LPA: variants seen among roughly 807,000 people sequenced by gnomAD.
The protein encoded by LPA is lipoprotein(a).
LPA carries 199 observed loss-of-function variants against 197.9 expected under a neutral mutation model. The observed-to-expected ratio is 1.01, with a 90% CI of 0.90 to 1.13. The LOEUF (loss-of-function observed/expected upper bound fraction) is 1.13, where lower values mean the gene tolerates loss of function less well. Among genes scored for constraint, LPA ranks in the 50% most tolerant of loss-of-function variants. The pLI is 0.00. For synonymous variants in LPA, 715 were observed against 639.5 expected (o/e 1.12, Z -1.78); for missense variants, 1,853 against 1,785.8 (o/e 1.04, Z -0.68).
rs1562355008 is a variant in LPA, at chr6:160,654,062, ATATTATATAT to A, written c.50-3575_50-3566del. Among the ~76,000 whole-genome samples, 135 of 43,266 alleles carry A rather than the reference ATATTATATAT, an allele frequency of 3.1e-3. 41 individuals carry two copies. The highest frequency in any genetic ancestry group is 0.013 in the African/African-American group (125 of 9,468). 28.4% of individuals were successfully genotyped at this position (43,266 alleles called of 152,430 possible). On this transcript the variant is annotated intron_variant, in intron 1 of 38. Transcript: ENST00000316300. ...ATATATAATATATAATATATTATATATATTATATATAATATATATTATATATATTATATAT... is the reference window on the plus strand; with the variant it reads ...ATATATAATATATAATATATTATATAAATATATATTATATATATTATATAT...
At chr6:160,576,686 GTGTGTATATATA>G (rs1562328203) in intron 28 of LPA, among the ~76,000 whole-genome samples, 1 of 122,276 alleles carries the variant, frequency 8.2e-6, no homozygotes, top group African/African-American at 3.3e-5. Flanking sequence ...GTGTGTGTGT[GTGTGTATATATA>G]TATATATATA....
intron 24 of LPA, 41 bp downstream of exon 24, chr6:160,589,512 G>A (rs774850991): frequency 6.2e-7 from 1 of 1,609,064 alleles, no homozygotes; most frequent in African/African-American, 1.3e-5. Flanking sequence ...AGAAATTTAA[G>A]TGGGTGGCTG....
At chr6:160,552,548 T>C (rs1402184199) in intron 30 of LPA, among the ~76,000 whole-genome samples, 1 of 152,234 alleles carries the variant, frequency 6.6e-6, no homozygotes. Flanking sequence ...TCATAGCATG[T>C]ATACAGAAAA....
intron 28 of LPA, 141 bp downstream of exon 28, chr6:160,576,994 CA>C: frequency 1.0e-6 from 1 of 961,396 alleles, no homozygotes; most frequent in African/African-American, 1.6e-5. Context: ...ACTCTTTGCT[CA>C]AAAGCAAAGG....
intron 28 of LPA, 116 bp downstream of exon 28, chr6:160,577,020 G>T: frequency 1.6e-6 from 2 of 1,278,598 alleles, no homozygotes; most frequent in South Asian, 1.2e-5. Context: ...GAGACATTTT[G>T]CCAAAATGTG....
intron 28 of LPA, among the ~76,000 whole-genome samples, chr6:160,561,308 A>G (rs1775330700): frequency 6.6e-6 from 1 of 152,218 alleles, no homozygotes. Context: ...TCCCAACACC[A>G]TTTATTAAAT....
intron 30 of LPA, among the ~76,000 whole-genome samples, chr6:160,555,593 G>A (rs1778249528): frequency 6.6e-6 from 1 of 150,488 alleles, no homozygotes. Context: ...AAACACACCT[G>A]GTTATATATA....
chr6:160,593,492 T>C (rs1165851504), intron 22 of LPA, among the ~76,000 whole-genome samples: 1 of 152,184 alleles, frequency 6.6e-6, no homozygotes, highest in Admixed American at 6.6e-5. Flanking sequence ...TACCTTGTTC[T>C]CAGAACCCAG....
chr6:160,580,343 G>A (rs1224310033), intron 26 of LPA, among the ~76,000 whole-genome samples: 4 of 152,010 alleles, frequency 2.6e-5, no homozygotes, highest in African/African-American at 4.8e-5. Flanking sequence ...TTTATTTTGA[G>A]TTTATAAAAC....
chr6:160,541,927 C>T (rs1043736941), intron 34 of LPA, among the ~76,000 whole-genome samples: 5 of 152,246 alleles, frequency 3.3e-5, no homozygotes, highest in South Asian at 2.1e-4. Flanking sequence ...AAATGCGATG[C>T]GATCAGGTTT....
chr6:160,563,662 G>T (rs947668469), intron 28 of LPA, among the ~76,000 whole-genome samples: 3 of 152,232 alleles, frequency 2.0e-5, no homozygotes, highest in Non-Finnish European at 1.5e-5. Context: ...TGGCTGTGGG[G>T]TGTTAAAGTC....
intron 22 of LPA, among the ~76,000 whole-genome samples, chr6:160,592,115 A>G (rs973659500): frequency 2.6e-5 from 4 of 152,248 alleles, no homozygotes; most frequent in African/African-American, 7.2e-5. Context: ...CTTCTGTCAC[A>G]TTATCTTTTT....
At position 160,570,240 on chromosome 6, in the gene LPA, G is replaced by A. The variant is rs562231305; in HGVS notation, c.4631+6896C>T. Among the ~76,000 whole-genome samples, 46 of 152,276 alleles carry A rather than the reference G, an allele frequency of 3.0e-4. No individual in the cohort carries two copies. The South Asian group carries it at 5.6e-3, about 19-fold the overall frequency. On this transcript the variant is annotated intron_variant, in intron 28 of 38. Coordinates refer to ENST00000316300, the MANE Select transcript of LPA (RefSeq NM_005577.4). ...GCAAAGACTTGGAACCAACACAAAC[G>A]TCCATCAATGGTAGACTGGATTAAG...
At chr6:160,590,888 C>A (rs1779014466) in intron 23 of LPA, 56 bp downstream of exon 23, 2 of 1,610,090 alleles carry the variant, frequency 1.2e-6, no homozygotes, top group Admixed American at 1.7e-5. Context: ...TAAGATTTTG[C>A]AACTCTTTTT....
At position 160,576,573 on chromosome 6, in the gene LPA, GA is replaced by G. The variant is rs763498498; in HGVS notation, c.4631+562del. Among the ~76,000 whole-genome samples the G allele has an allele frequency of 4.9e-5, 7 of 143,626 alleles. No individual in the cohort carries two copies. In the South Asian group the frequency reaches 1.1e-3, roughly 22 times the overall value. The allele number at this position is 143,626 out of a possible 152,430, so 94.2% of individuals were successfully genotyped here. A position where few individuals can be genotyped will look rare whatever the true frequency, so the allele number is the denominator to read the frequency against. On this transcript the variant is annotated intron_variant, in intron 28 of 38. Transcript: ENST00000316300. ...ATAGTGAAACAATATAATTTTTAAT[GA>G]AATATTAAAAATATATAAATTTATG...
rs1297885553 is a variant in LPA at position 160,613,318 on chromosome 6, A to AT, written c.2262-206dup. Among the ~76,000 whole-genome samples, 39 of 97,222 alleles carry AT rather than the reference A, an allele frequency of 4.0e-4. 10 individuals carry two copies. The highest frequency in any genetic ancestry group is 9.5e-4 in the Admixed American group (10 of 10,522). The allele number at this position is 97,222 out of a possible 152,430, so 63.8% of individuals were successfully genotyped here. A position where few individuals can be genotyped will look rare whatever the true frequency, so the allele number is the denominator to read the frequency against. On this transcript the variant is annotated intron_variant, in intron 14 of 38. Transcript: ENST00000316300. Reference sequence around the variant, plus strand: ...CTCTCATACTTAATAGATTATTACTATTTTTTTTAAATAAAAAATCTAAAG... The same window carrying AT: ...CTCTCATACTTAATAGATTATTACTATTTTTTTTTAAATAAAAAATCTAAAG...
intron 27 of LPA, 119 bp from the exon 28 acceptor site, chr6:160,577,414 C>T: frequency 2.2e-6 from 2 of 903,344 alleles, no homozygotes; most frequent in Non-Finnish European, 3.5e-6. Flanking sequence ...CTTTTTTCTA[C>T]TAGTAGCAAA....
At chr6:160,577,684 G>A (rs1035388554) in intron 27 of LPA, among the ~76,000 whole-genome samples, 26 of 152,110 alleles carry the variant, frequency 1.7e-4, no homozygotes, top group East Asian at 3.9e-4. Context: ...AGACCCTTGC[G>A]CATTTCCCTA....
At chr6:160,550,278 A>C (rs1778147841) in intron 30 of LPA, among the ~76,000 whole-genome samples, 1 of 151,426 alleles carries the variant, frequency 6.6e-6, no homozygotes, top group Non-Finnish European at 1.5e-5. Flanking sequence ...ATCTTGGAGA[A>C]TGTGCTCCCC....
Sources: allele counts gnomAD v4.1 joint callset (sites outside exome capture counted in the v4.1 genomes callset), GRCh38; gene constraint gnomAD v4.1.1; transcripts MANE v1.5; gene names NCBI Gene and HGNC (gene_info 2026-07-23, HGNC 2026-07-21).